PCDHGC4: variants seen among roughly 807,000 people sequenced by gnomAD.
PCDHGC4 encodes the protein protocadherin gamma subfamily C, 4.
In PCDHGC4, 15 loss-of-function variants were observed where a neutral mutation model predicts 59.7. The ratio of observed to expected loss-of-function variants is 0.25; its 90% CI spans 0.17 to 0.39. The LOEUF is 0.39. Ranked by LOEUF, PCDHGC4 falls within the 10% of genes least tolerant of loss-of-function variation. The pLI, the probability that PCDHGC4 is intolerant of heterozygous loss-of-function variation, is 1.00. For synonymous variants in PCDHGC4, 434 were observed against 481.4 expected (o/e 0.90, Z 1.29); for missense variants, 1,016 against 1,189.5 (o/e 0.85, Z 2.15).
rs2154584583 is a variant in PCDHGC4, at chr5:141,490,717, A to G, written c.2442+3102A>G. The G allele has an allele frequency of 6.2e-7, 1 of 1,613,972 alleles. No individual in the cohort carries two copies. Among genetic ancestry groups the G allele is most frequent in the Non-Finnish European group, 8.5e-7 (1 of 1,179,936 alleles). On this transcript the variant is annotated intron_variant, in intron 1 of 3. Coordinates refer to ENST00000306593, the MANE Select transcript of PCDHGC4 (RefSeq NM_018928.3). The surrounding 1 kb of genome is among the most constrained non-coding windows in gnomAD (Gnocchi z 5.4). ...GGATAATGCCCGCCTCACCTACTCC[A>G]TTGTAGGAAATCAGGTTCAGGGAGC...
chr5:141,487,475 C>T lies in PCDHGC4; in HGVS notation c.2302C>T (p.His768Tyr), dbSNP rs781308835. The change falls in exon 1 of 4, where the codon CAC becomes TAC. Residue 768 changes from histidine (H) to tyrosine (Y), a missense_variant. Coordinates refer to ENST00000306593, the MANE Select transcript of PCDHGC4 (RefSeq NM_018928.3). The surrounding 1 kb of genome is among the most constrained non-coding windows in gnomAD (Gnocchi z 5.0). Reference protein sequence around the residue: ...DPIKFVDVGGHSHGCTPLASA... With the variant: ...DPIKFVDVGGYSHGCTPLASA... ...TATCAAGTTTGTTGATGTGGGAGGC[C>T]ACTCTCATGGCTGTACACCCTTGGC... 1.2e-6 allele frequency: 2 copies of T among 1,614,156 alleles called. No homozygotes were observed. Among genetic ancestry groups the T allele is most frequent in the South Asian group, 1.1e-5 (1 of 91,080 alleles).
intron 3 of PCDHGC4, among the ~76,000 whole-genome samples, chr5:141,508,989 G>A (rs900798347): frequency 1.3e-5 from 2 of 152,110 alleles, no homozygotes; most frequent in Non-Finnish European, 2.9e-5. Flanking sequence ...GGGGCCAGCT[G>A]GGGTAGGAGA....
intron 1 of PCDHGC4, among the ~76,000 whole-genome samples, chr5:141,492,622 C>A (rs2099742615): frequency 6.6e-6 from 1 of 152,218 alleles, no homozygotes; most frequent in South Asian, 2.1e-4. Flanking sequence ...GCCGGGCGGG[C>A]AGGACTCTAC....
At position 141,490,591 on chromosome 5, in the gene PCDHGC4, G is replaced by A; in HGVS notation, c.2442+2976G>A. 1 of 1,614,100 alleles carries A rather than the reference G, an allele frequency of 6.2e-7. No homozygotes were observed. Among genetic ancestry groups the A allele is most frequent in the African/African-American group, 1.3e-5 (1 of 75,016 alleles). ...CAACATTTCAGATGTCAATGACAAT[G>A]CACCCCGCTTCAACCAGCAGCTTTA... On this transcript the variant is annotated intron_variant, in intron 1 of 3. Coordinates refer to ENST00000306593, the MANE Select transcript of PCDHGC4 (RefSeq NM_018928.3). This position sits in a 1 kb window ranked among gnomAD's most constrained non-coding sequence, Gnocchi z 5.4.
At chr5:141,492,500 C>G (rs2099741252) in intron 1 of PCDHGC4, among the ~76,000 whole-genome samples, 1 of 152,322 alleles carries the variant, frequency 6.6e-6, no homozygotes, top group South Asian at 2.1e-4. Flanking sequence ...GCGAGGACTC[C>G]GGAGCCTCCT....
chr5:141,487,499 G>A lies in PCDHGC4; in HGVS notation c.2326G>A (p.Ala776Thr), dbSNP rs2099647158. The change falls in exon 1 of 4, where the codon GCT becomes ACT. Residue 776 changes from alanine (A) to threonine (T), a missense_variant. Transcript: ENST00000306593. This position sits in a 1 kb window ranked among gnomAD's most constrained non-coding sequence, Gnocchi z 5.0. ...GGHSHGCTPL[A>T]SAPTRSDSFM... is the part of the protein sequence containing the mutation. ...CCACTCTCATGGCTGTACACCCTTGGCTTCTGCACCCACTCGGAGTGATAG... is the reference window on the plus strand; with the variant it reads ...CCACTCTCATGGCTGTACACCCTTGACTTCTGCACCCACTCGGAGTGATAG... The A allele has an allele frequency of 3.1e-6, 5 of 1,614,152 alleles. No homozygotes were observed. The highest frequency in any genetic ancestry group is 2.2e-5 in the East Asian group (1 of 44,852).
At chr5:141,504,113 C>A (rs568207803) in intron 2 of PCDHGC4, among the ~76,000 whole-genome samples, 1 of 152,220 alleles carries the variant, frequency 6.6e-6, no homozygotes, top group Non-Finnish European at 1.5e-5. Flanking sequence ...TGTGTGTGTG[C>A]CAGGGCTGTT....
At position 141,486,272 on chromosome 5, in the gene PCDHGC4, A is replaced by C. The variant is rs2099627166; in HGVS notation, c.1099A>C (p.Thr367Pro). Residue 367 changes from threonine to proline, a missense_variant, in exon 1 of 4, where the codon ACT becomes CCT. Thr to Pro is a conservative substitution (Grantham distance 38). Transcript: ENST00000306593. The surrounding 1 kb of genome is among the most constrained non-coding windows in gnomAD (Gnocchi z 5.0). Reference protein sequence around the residue: ...GTLPESAEPGTVVALISVQDP... With the variant: ...GTLPESAEPGPVVALISVQDP... ...CCTCCCCGAGAGTGCAGAACCTGGC[A>C]CTGTGGTGGCACTTATCAGTGTGCA... 1 of 1,613,886 alleles carries C rather than the reference A, an allele frequency of 6.2e-7. No individual in the cohort carries two copies. Among genetic ancestry groups the C allele is most frequent in the Non-Finnish European group, 8.5e-7 (1 of 1,179,986 alleles).
Position 141,511,334 on chromosome 5 carries a change from C to A in PCDHGC4, c.*161C>A. 7.0e-7 allele frequency: 1 copy of A among 1,438,700 alleles called. No homozygotes were observed. Among genetic ancestry groups the A allele is most frequent in the Non-Finnish European group, 9.2e-7 (1 of 1,083,314 alleles). 89.1% of individuals were successfully genotyped at this position (1,438,700 alleles called of 1,614,324 possible). On this transcript the variant is annotated 3_prime_UTR_variant, in exon 4 of 4. Coordinates refer to ENST00000306593, the MANE Select transcript of PCDHGC4 (RefSeq NM_018928.3). ...GAAACAGAAACAAGTGCCCAGTCAG[C>A]ACCTACCCCTTCCCCCCCAGGGGGT...
In PCDHGC4 at chr5:141,511,618, T is replaced by C. The variant is rs1227028784; in HGVS notation, c.*445T>C. 4.3e-6 allele frequency: 1 copy of C among 232,232 alleles called. No homozygotes were observed. Among genetic ancestry groups the C allele is most frequent in the East Asian group, 9.9e-5 (1 of 10,122 alleles). 14.4% of individuals were successfully genotyped at this position (232,232 alleles called of 1,614,324 possible). A position where few individuals can be genotyped will look rare whatever the true frequency, so the allele number is the denominator to read the frequency against. ...AAGTAACCTACAAGCCTCCTAGTTCTGAAAAGTTGGAAGGGCATCATGACC... is the reference window on the plus strand; with the variant it reads ...AAGTAACCTACAAGCCTCCTAGTTCCGAAAAGTTGGAAGGGCATCATGACC... On this transcript the variant is annotated 3_prime_UTR_variant, in exon 4 of 4. Transcript: ENST00000306593.
intron 2 of PCDHGC4, 160 bp from the exon 3 acceptor site, chr5:141,505,233 C>T: frequency 1.1e-6 from 1 of 872,838 alleles, no homozygotes; most frequent in Non-Finnish European, 1.4e-6. Context: ...ATTCTGGCTT[C>T]TGAAGGATTG....
rs138463062 is a variant in PCDHGC4 at position 141,485,217 on chromosome 5, C to T, written c.44C>T (p.Ala15Val). 7,893 of 1,614,092 alleles carry T rather than the reference C, an allele frequency of 4.9e-3. 42 individuals carry two copies. Among genetic ancestry groups the T allele is most frequent in the Admixed American group, 8.8e-3 (531 of 60,030 alleles). The change falls in exon 1 of 4, where the codon GCT (alanine) becomes GTT (valine). Residue 15 changes from alanine (A) to valine (V), a missense_variant. Coordinates refer to ENST00000306593, the MANE Select transcript of PCDHGC4 (RefSeq NM_018928.3). This position sits in a 1 kb window ranked among gnomAD's most constrained non-coding sequence, Gnocchi z 5.7. ...VRSWTEIWRW[A>V]TLLFLFYHLG... Reference sequence around the variant, plus strand: ...AGCTGGACAGAAATCTGGCGGTGGGCTACCCTTTTGTTCCTCTTTTACCAC... The same window carrying T: ...AGCTGGACAGAAATCTGGCGGTGGGTTACCCTTTTGTTCCTCTTTTACCAC...
intron 2 of PCDHGC4, among the ~76,000 whole-genome samples, chr5:141,495,811 G>A (rs1164360438): frequency 1.3e-5 from 2 of 151,710 alleles, no homozygotes; most frequent in Admixed American, 1.3e-4. Flanking sequence ...GTTTCCTAGC[G>A]CCTTGTGTTC....
In PCDHGC4 at chr5:141,491,856, C is replaced by A. The variant is rs754113958; in HGVS notation, c.2443-2951C>A. On this transcript the variant is annotated intron_variant, in intron 1 of 3. Coordinates refer to ENST00000306593, the MANE Select transcript of PCDHGC4 (RefSeq NM_018928.3). This position sits in a 1 kb window ranked among gnomAD's most constrained non-coding sequence, Gnocchi z 6.9. ...TCTCGGGATCATTGGACCGTTTGCG[C>A]GAAACCAGAGTGGCCGATTAAGGGA... 6.9e-7 allele frequency: 1 copy of A among 1,458,728 alleles called. No individual in the cohort carries two copies. The highest frequency in any genetic ancestry group is 9.1e-7 in the Non-Finnish European group (1 of 1,103,072). The allele number at this position is 1,458,728 out of a possible 1,614,324, so 90.4% of individuals were successfully genotyped here. A position where few individuals can be genotyped will look rare whatever the true frequency, so the allele number is the denominator to read the frequency against.
chr5:141,497,702 G>A (rs904199928), intron 2 of PCDHGC4, among the ~76,000 whole-genome samples: 16 of 152,054 alleles, frequency 1.1e-4, no homozygotes, highest in African/African-American at 3.9e-4. Context: ...ACCACACCCA[G>A]CTCATTTTTG....
rs1424221139 is a variant in PCDHGC4, at chr5:141,491,867, T to G, written c.2443-2940T>G. On this transcript the variant is annotated intron_variant, in intron 1 of 3. Coordinates refer to ENST00000306593, the MANE Select transcript of PCDHGC4 (RefSeq NM_018928.3). The surrounding 1 kb of genome is among the most constrained non-coding windows in gnomAD (Gnocchi z 6.9). ...TTGGACCGTTTGCGCGAAACCAGAG[T>G]GGCCGATTAAGGGATGGGGCTCCGA... 2 of 1,452,218 alleles carry G rather than the reference T, an allele frequency of 1.4e-6. No homozygotes were observed. The highest frequency in any genetic ancestry group is 1.8e-6 in the Non-Finnish European group (2 of 1,099,056). 90.0% of individuals were successfully genotyped at this position (1,452,218 alleles called of 1,614,324 possible).
rs1224625072 is a variant in PCDHGC4 at position 141,490,972 on chromosome 5, C to A, written c.2442+3357C>A. On this transcript the variant is annotated intron_variant, in intron 1 of 3. Transcript: ENST00000306593. The surrounding 1 kb of genome is among the most constrained non-coding windows in gnomAD (Gnocchi z 5.4). ...AGACTGGGAACACTCAGCCCCCCAG[C>A]GTCTCCCTCGCTCTGCTCCTCCTGG... is the stretch of plus-strand genomic sequence containing the variant. 2 of 1,613,912 alleles carry A rather than the reference C, an allele frequency of 1.2e-6. No individual in the cohort carries two copies. Among genetic ancestry groups the A allele is most frequent in the Non-Finnish European group, 1.7e-6 (2 of 1,179,922 alleles).
chr5:141,505,249 G>T, intron 2 of PCDHGC4, 144 bp from the exon 3 acceptor site: 1 of 1,447,748 alleles, frequency 6.9e-7, no homozygotes, highest in Non-Finnish European at 9.2e-7. Flanking sequence ...GATTGTAGAA[G>T]TGCCTCCTAC....
At position 141,489,068 on chromosome 5, in the gene PCDHGC4, G is replaced by GGCCCC; in HGVS notation, c.2442+1453_2442+1454insGCCCC. On this transcript the variant is annotated intron_variant, in intron 1 of 3. Coordinates refer to ENST00000306593, the MANE Select transcript of PCDHGC4 (RefSeq NM_018928.3). This position sits in a 1 kb window ranked among gnomAD's most constrained non-coding sequence, Gnocchi z 4.5. ...CTCAAATTCAGCTCCCCTCCCCCCT[G>GGCCCC]CCCACCCCCGCCACTCGGTGACTAA... 3.4e-6 allele frequency: 1 copy of GGCCCC among 291,558 alleles called. No individual in the cohort carries two copies. 18.1% of individuals were successfully genotyped at this position (291,558 alleles called of 1,614,324 possible). A position where few individuals can be genotyped will look rare whatever the true frequency, so the allele number is the denominator to read the frequency against.
Sources: gnomAD v4.1 joint callset for allele counts (sites outside exome capture counted in the v4.1 genomes callset) on GRCh38, gnomAD v4.1.1 for gene constraint, Gnocchi (gnomAD v3.1) non-coding constraint, MANE v1.5 for transcripts, NCBI Gene and HGNC (gene_info 2026-07-23, HGNC 2026-07-21) for gene names.